Variants in DNMBP observed in about 807,000 individuals in gnomAD.
The protein encoded by DNMBP is dynamin-binding protein.
DNMBP carries 87 observed loss-of-function variants against 150.0 expected under a neutral mutation model. That is an observed-to-expected ratio of 0.58 (90% confidence interval 0.49 to 0.69). DNMBP has a LOEUF of 0.69. Ranked by LOEUF, DNMBP falls within the 30% of genes least tolerant of loss-of-function variation. DNMBP has a pLI of 0.00. For synonymous variants in DNMBP, 711 were observed against 750.4 expected (o/e 0.95, Z 0.86); for missense variants, 1,774 against 1,949.0 (o/e 0.91, Z 1.69).
At chr10:99,970,799 C>T (rs952100784) in intron 2 of DNMBP, among the ~76,000 whole-genome samples, 12 of 150,968 alleles carry the variant, frequency 7.9e-5, no homozygotes, top group African/African-American at 2.4e-4. Context: ...GGTGAAACCC[C>T]GTCTCTACTA....
Position 99,880,298 on chromosome 10 carries a change from T to C in DNMBP, c.4061A>G (p.Asp1354Gly). 5 of 1,613,312 alleles carry C rather than the reference T, an allele frequency of 3.1e-6. No individual in the cohort carries two copies. The highest frequency in any genetic ancestry group is 4.2e-6 in the Non-Finnish European group (5 of 1,179,764). Residue 1354 changes from aspartate (D) to glycine (G), a missense_variant, in exon 16 of 17, where the codon GAT becomes GGT. Asp to Gly is a moderately conservative substitution (Grantham distance 94). Coordinates refer to ENST00000324109, the MANE Select transcript of DNMBP (RefSeq NM_015221.4). ...KPYNPRRSHS[D>G]ASVGSHSSTE... ...GGAGGAGTGGCTACCCACGGAGGCATCGGAGTGGCTGCGGCGAGGATTGTA... is the reference window on the plus strand; with the variant it reads ...GGAGGAGTGGCTACCCACGGAGGCACCGGAGTGGCTGCGGCGAGGATTGTA...
intron 6 of DNMBP, among the ~76,000 whole-genome samples, chr10:99,907,377 G>A (rs1183565431): frequency 6.6e-6 from 1 of 151,350 alleles, no homozygotes; most frequent in African/African-American, 2.4e-5. Context: ...TAAACTTACA[G>A]TGCATTCTGA....
chr10:100,004,800 C>T (rs1415425949), intron 1 of DNMBP, among the ~76,000 whole-genome samples: 3 of 152,072 alleles, frequency 2.0e-5, no homozygotes, highest in Admixed American at 6.6e-5. Context: ...AAAGACAAAA[C>T]GAGAACTAAA....
At chr10:99,937,214 C>A (rs560530124) in intron 4 of DNMBP, among the ~76,000 whole-genome samples, 89 of 152,250 alleles carry the variant, frequency 5.8e-4, no homozygotes, top group Non-Finnish European at 1.1e-3. Context: ...CAGACCCAAA[C>A]GAACCTCTAT....
At chr10:99,984,097 T>C (rs2040806312) in intron 1 of DNMBP, among the ~76,000 whole-genome samples, 1 of 152,238 alleles carries the variant, frequency 6.6e-6, no homozygotes, top group South Asian at 2.1e-4. Flanking sequence ...TAAACTGCTG[T>C]TTTCCTTCCA....
intron 4 of DNMBP, among the ~76,000 whole-genome samples, chr10:99,942,679 ACTCACAGGTCAATTATAC>A (rs1174196424): frequency 6.6e-6 from 1 of 152,184 alleles, no homozygotes; most frequent in Non-Finnish European, 1.5e-5. Context: ...AAGAACAGTG[ACTCACAGGTCAATTATAC>A]CTCAGTTCAC....
intron 4 of DNMBP, among the ~76,000 whole-genome samples, chr10:99,952,050 G>A (rs1043856542): frequency 5.9e-5 from 9 of 152,074 alleles, no homozygotes; most frequent in Admixed American, 5.9e-4. Flanking sequence ...TCTCGTGAGA[G>A]TGAGTAAGTC....
chr10:99,924,800 A>G (rs2040060101), intron 4 of DNMBP, among the ~76,000 whole-genome samples: 1 of 152,244 alleles, frequency 6.6e-6, no homozygotes, highest in Non-Finnish European at 1.5e-5. Flanking sequence ...CCAGAGTCCT[A>G]AAAACTTTGA....
At chr10:99,893,366 T>G (rs1398906414) in intron 11 of DNMBP, among the ~76,000 whole-genome samples, 2 of 152,246 alleles carry the variant, frequency 1.3e-5, no homozygotes, top group African/African-American at 4.8e-5. Context: ...TACAAGCGAT[T>G]TAAATATCTG....
chr10:99,877,105 G>T lies in DNMBP; in HGVS notation c.*46C>A. The stretch of plus-strand genomic sequence containing the variant: ...TCGGTGGGCCGCCAGAACCCTCGGC[G>T]GACTGAAAGCAAAGGCAGCAAGGCT... On this transcript the variant is annotated 3_prime_UTR_variant, in exon 17 of 17. Transcript: ENST00000324109. 1 of 1,460,986 alleles carries T rather than the reference G, an allele frequency of 6.8e-7. No homozygotes were observed. Among genetic ancestry groups the T allele is most frequent in the South Asian group, 1.4e-5 (1 of 70,152 alleles). The allele number at this position is 1,460,986 out of a possible 1,614,324, so 90.5% of individuals were successfully genotyped here.
intron 6 of DNMBP, among the ~76,000 whole-genome samples, chr10:99,905,861 T>C (rs914636965): frequency 1.3e-5 from 2 of 152,182 alleles, no homozygotes; most frequent in Non-Finnish European, 2.9e-5. Context: ...TTCCAGCTGC[T>C]CAGGGAGCTG....
intron 1 of DNMBP, among the ~76,000 whole-genome samples, chr10:99,980,709 G>C (rs867027882): frequency 5.0e-4 from 76 of 152,232 alleles, no homozygotes; most frequent in African/African-American, 1.8e-3. Flanking sequence ...GGAAGCTGAG[G>C]TGGGAGGGTT....
chr10:99,924,760 C>T (rs1156522195), intron 4 of DNMBP, among the ~76,000 whole-genome samples: 2 of 152,192 alleles, frequency 1.3e-5, no homozygotes, highest in East Asian at 1.9e-4. Context: ...ATCATGTTCA[C>T]ATGTTTGCAA....
intron 4 of DNMBP, among the ~76,000 whole-genome samples, chr10:99,947,090 G>C (rs1279843732): frequency 3.3e-5 from 5 of 152,204 alleles, no homozygotes; most frequent in African/African-American, 9.7e-5. Flanking sequence ...TGGTTGTAGA[G>C]AAAAGGGAAC....
At chr10:99,887,243 A>AT (rs1244875758) in intron 12 of DNMBP, among the ~76,000 whole-genome samples, 1 of 152,060 alleles carries the variant, frequency 6.6e-6, no homozygotes, top group Non-Finnish European at 1.5e-5. Context: ...CTTCCAAAGA[A>AT]TTTTTCTCTT....
At chr10:100,000,581 T>C (rs911865176) in intron 1 of DNMBP, among the ~76,000 whole-genome samples, 1 of 152,172 alleles carries the variant, frequency 6.6e-6, no homozygotes, top group Non-Finnish European at 1.5e-5. Flanking sequence ...GGGATTCTAC[T>C]AGCCTGCTGA....
chr10:99,912,608 C>T (rs938453903), intron 4 of DNMBP, among the ~76,000 whole-genome samples: 1 of 152,148 alleles, frequency 6.6e-6, no homozygotes, highest in African/African-American at 2.4e-5. Context: ...TGGACACCAT[C>T]CCTGGGATTC....
chr10:99,952,126 C>T (rs557234737), intron 4 of DNMBP, among the ~76,000 whole-genome samples: 92 of 152,286 alleles, frequency 6.0e-4, no homozygotes, highest in Non-Finnish European at 1.1e-3. Flanking sequence ...TGCCTGCTAT[C>T]ATCCATGTAA....
At chr10:99,967,519 T>A (rs1424415208) in intron 3 of DNMBP, among the ~76,000 whole-genome samples, 1 of 152,132 alleles carries the variant, frequency 6.6e-6, no homozygotes, top group Admixed American at 6.5e-5. Flanking sequence ...TGAGACTCCG[T>A]CTCAAAAAAC....
Sources: gnomAD v4.1 joint callset for allele counts (sites outside exome capture counted in the v4.1 genomes callset) on GRCh38, gnomAD v4.1.1 for gene constraint, MANE v1.5 for transcripts, NCBI Gene and HGNC (gene_info 2026-07-23, HGNC 2026-07-21) for gene names.